Variants in HOMER2 observed in about 807,000 individuals in gnomAD.
HOMER2 encodes the protein homer protein homolog 2.
Under a neutral mutation model 47.0 loss-of-function variants are expected in HOMER2, and 27 were observed. The observed-to-expected ratio is 0.57, with a 90% CI of 0.42 to 0.79. The LOEUF is 0.79. Ranked by LOEUF, HOMER2 falls within the 30% of genes least tolerant of loss-of-function variation. The probability of loss-of-function intolerance (pLI) is 0.00; values close to 1 mark genes in which losing one functional copy is unlikely to be tolerated. For synonymous variants in HOMER2, 161 were observed against 163.8 expected (o/e 0.98, Z 0.13); for missense variants, 443 against 435.0 (o/e 1.02, Z -0.16).
At chr15:82,922,607 G>C (rs1032954751) in intron 1 of HOMER2, among the ~76,000 whole-genome samples, 3 of 152,076 alleles carry the variant, frequency 2.0e-5, no homozygotes, top group African/African-American at 4.8e-5. Context: ...AACCTCAAAC[G>C]AGTGAGACAC....
At chr15:82,872,911 G>A (rs2052225324) in intron 3 of HOMER2, among the ~76,000 whole-genome samples, 1 of 152,176 alleles carries the variant, frequency 6.6e-6, no homozygotes, top group Non-Finnish European at 1.5e-5. Context: ...GGTCCAAATG[G>A]AACCAGAGCC....
chr15:82,940,883 A>T, intron 1 of HOMER2, among the ~76,000 whole-genome samples: 1 of 151,898 alleles, frequency 6.6e-6, no homozygotes. Flanking sequence ...GTGACAGAGC[A>T]AGACCCTGTT....
At position 82,851,145 on chromosome 15, in the gene HOMER2, A is replaced by T. The variant is rs1314764547; in HGVS notation, c.843+6T>A. ...GCCAGGATGGCTGTGCCCCCAACCC[A>T]CGTACCTCTAGCTTCTCAGAGACAT... is the stretch of plus-strand genomic sequence containing the variant. On this transcript the variant is annotated splice_donor_region_variant and intron_variant, in intron 8 of 8. Coordinates refer to ENST00000450735, the MANE Select transcript of HOMER2 (RefSeq NM_004839.4). 6.4e-7 allele frequency: 1 copy of T among 1,573,516 alleles called. No homozygotes were observed. Among genetic ancestry groups the T allele is most frequent in the African/African-American group, 1.3e-5 (1 of 74,336 alleles).
intron 5 of HOMER2, among the ~76,000 whole-genome samples, chr15:82,858,591 T>G (rs1025722949): frequency 6.6e-6 from 1 of 152,108 alleles, no homozygotes; most frequent in African/African-American, 2.4e-5. Context: ...CCACCATGCT[T>G]GGCCAAGAGT....
chr15:82,962,364 C>CA (rs34651312), intron 1 of HOMER2, among the ~76,000 whole-genome samples: 1,352 of 43,554 alleles, frequency 0.031, 14 homozygotes, highest in Non-Finnish European at 0.042. Flanking sequence ...GACTCCGTCT[C>CA]AAAAAAAAAA....
At chr15:82,985,959 C>T (rs1033929131), upstream of HOMER2, 2 of 566,250 alleles carry the variant, frequency 3.5e-6, no homozygotes, top group Non-Finnish European at 4.5e-6. Context: ...CGTCTCTACC[C>T]GTCACCTGCT....
chr15:82,952,796 C>A, upstream of HOMER2: 1 of 783,726 alleles, frequency 1.3e-6, no homozygotes, highest in Non-Finnish European at 1.5e-6. Flanking sequence ...CCGCCCGGCT[C>A]CTTACGTAAC....
intron 1 of HOMER2, among the ~76,000 whole-genome samples, chr15:82,940,571 A>C (rs542557630): frequency 1.3e-5 from 2 of 152,106 alleles, no homozygotes; most frequent in Non-Finnish European, 2.9e-5. Context: ...GTGAAACCCC[A>C]TCTCTACTAA....
rs1319005768 is a variant in HOMER2, at chr15:82,892,847, A to G, written c.6-6T>C. The G allele has an allele frequency of 3.2e-6, 5 of 1,557,276 alleles. No homozygotes were observed. The highest frequency in any genetic ancestry group is 3.5e-5 in the Admixed American group (2 of 57,700). On this transcript the variant is annotated splice_region_variant and splice_polypyrimidine_tract_variant and intron_variant, in intron 1 of 8. Coordinates refer to ENST00000450735, the MANE Select transcript of HOMER2 (RefSeq NM_004839.4). ...TGGTGAAGATGGGCTGTTCTCTGCAATAAGAGAGTGGGCGTGTGAGTTGAG... is the reference window on the plus strand; with the variant it reads ...TGGTGAAGATGGGCTGTTCTCTGCAGTAAGAGAGTGGGCGTGTGAGTTGAG...
chr15:82,879,279 C>T (rs1240245172), intron 2 of HOMER2, among the ~76,000 whole-genome samples: 2 of 152,084 alleles, frequency 1.3e-5, no homozygotes, highest in African/African-American at 2.4e-5. Flanking sequence ...ATGGATTGCT[C>T]GAGCCCAAGA....
At chr15:82,836,635 G>C (rs1402080826), downstream of HOMER2, among the ~76,000 whole-genome samples, 4 of 152,226 alleles carry the variant, frequency 2.6e-5, no homozygotes, top group Non-Finnish European at 5.9e-5. Context: ...GTACAAAGGA[G>C]GACTGGCATC....
At chr15:82,912,703 C>T (rs1567049917) in intron 1 of HOMER2, among the ~76,000 whole-genome samples, 1 of 152,180 alleles carries the variant, frequency 6.6e-6, no homozygotes, top group Non-Finnish European at 1.5e-5. Context: ...TATGTTCCCA[C>T]CAGCAATGTA....
intron 1 of HOMER2, among the ~76,000 whole-genome samples, chr15:82,966,430 T>G (rs964815430): frequency 6.6e-5 from 10 of 152,250 alleles, no homozygotes; most frequent in African/African-American, 2.4e-4. Flanking sequence ...ACTTCACAAT[T>G]TCTTTAAGAC....
intron 1 of HOMER2, among the ~76,000 whole-genome samples, chr15:82,965,768 CTTT>C (rs112817725): frequency 2.1e-5 from 3 of 144,624 alleles, no homozygotes; most frequent in South Asian, 2.2e-4. Flanking sequence ...CCTCAAAGCC[CTTT>C]TTTTTTTTTT....
At chr15:82,904,287 G>A (rs1214044450) in intron 1 of HOMER2, among the ~76,000 whole-genome samples, 2 of 152,136 alleles carry the variant, frequency 1.3e-5, no homozygotes, top group Non-Finnish European at 2.9e-5. Context: ...CATAAGCAGA[G>A]ACCTCTGTGG....
At position 82,964,503 on chromosome 15, in the gene HOMER2, C is replaced by T. The variant is rs575740045; in HGVS notation, n.83-5195G>A. Among the ~76,000 whole-genome samples, 7 of 152,328 alleles carry T rather than the reference C, an allele frequency of 4.6e-5. No individual in the cohort carries two copies. In the South Asian group the frequency reaches 8.3e-4, roughly 18 times the overall value. Reference sequence around the variant, plus strand: ...AATTTCTGCTAGGCATGGTGGCTCACGCCTGTAATCCCAACACTTTGGGAG... The same window carrying T: ...AATTTCTGCTAGGCATGGTGGCTCATGCCTGTAATCCCAACACTTTGGGAG... On this transcript the variant is annotated intron_variant and non_coding_transcript_variant, in intron 1 of 1. Coordinates refer to the HOMER2 transcript ENST00000500334.
chr15:82,859,309 T>TG (rs1220476303), intron 4 of HOMER2, 174 bp from the exon 5 acceptor site: 31 of 862,052 alleles, frequency 3.6e-5, no homozygotes, highest in Middle Eastern at 6.5e-4. Flanking sequence ...TTTTTGTTTT[T>TG]TTTTTAAACA....
chr15:82,867,765 T>C (rs1266322167), intron 3 of HOMER2, among the ~76,000 whole-genome samples: 1 of 152,220 alleles, frequency 6.6e-6, no homozygotes, highest in African/African-American at 2.4e-5. Context: ...GACCCAGTGA[T>C]ACTGCTTCTG....
chr15:82,945,265 A>G (rs1042712873), intron 1 of HOMER2, among the ~76,000 whole-genome samples: 2 of 152,152 alleles, frequency 1.3e-5, no homozygotes, highest in Non-Finnish European at 2.9e-5. Context: ...GAAAGGATTT[A>G]AATAGGTTTA....
Sources: allele counts gnomAD v4.1 joint callset (sites outside exome capture counted in the v4.1 genomes callset), GRCh38; gene constraint gnomAD v4.1.1; transcripts MANE v1.5; gene names NCBI Gene and HGNC (gene_info 2026-07-23, HGNC 2026-07-21).